The following EMX2 variants were observed in gnomAD, a reference collection of about 807,000 sequenced individuals.
EMX2 encodes the protein empty spiracles homeobox 2, also known as homeobox protein EMX2.
EMX2 carries 6 observed loss-of-function variants against 23.0 expected under a neutral mutation model. That is an observed-to-expected ratio of 0.26 (90% CI 0.14 to 0.52). EMX2 has a LOEUF of 0.52. Ranked by LOEUF, EMX2 falls within the 20% of genes least tolerant of loss-of-function variation. The probability of loss-of-function intolerance (pLI) is 0.97; values close to 1 mark genes in which losing one functional copy is unlikely to be tolerated. For missense variants in EMX2, 302 were observed against 341.4 expected, an observed-to-expected ratio of 0.88 and a Z score of 0.91; for synonymous variants, 175 against 153.3, an observed-to-expected ratio of 1.14 and a Z score of -1.04.
In EMX2 at chr10:117,548,193, G is replaced by C; in HGVS notation, c.720G>C (p.Gln240His). 1 of 1,613,992 alleles carries C rather than the reference G, an allele frequency of 6.2e-7. No individual in the cohort carries two copies. Among genetic ancestry groups the C allele is most frequent in the Non-Finnish European group, 8.5e-7 (1 of 1,180,004 alleles). ...ACCGGTGGAGAATCGCCACCAAGCA[G>C]GCGAGTCCGGAGGAAATAGACGTGA... ...HINRWRIATK[Q>H]ASPEEIDVTS... The change falls in exon 3 of 3, where the codon CAG (glutamine) becomes CAC (histidine). Residue 240 changes from glutamine to histidine, a missense_variant. Coordinates refer to ENST00000553456, the MANE Select transcript of EMX2 (RefSeq NM_004098.4).
In EMX2 at chr10:117,548,236, C is replaced by T. The variant is rs1255387420; in HGVS notation, c.*4C>T. The T allele has an allele frequency of 3.1e-6, 5 of 1,613,392 alleles. No homozygotes were observed. The East Asian group carries it at 8.9e-5, about 29-fold the overall frequency. ...AGACGTGACCTCAGATGATTAAAAA[C>T]ATAAACCTAACCCCACAGAAACGGA... On this transcript the variant is annotated 3_prime_UTR_variant, in exon 3 of 3. Coordinates refer to ENST00000553456, the MANE Select transcript of EMX2 (RefSeq NM_004098.4).
chr10:117,543,543 C>A lies in EMX2; in HGVS notation c.276C>A (p.His92Gln). The A allele has an allele frequency of 1.2e-6, 2 of 1,611,430 alleles. No individual in the cohort carries two copies. Among genetic ancestry groups the A allele is most frequent in the Non-Finnish European group, 1.7e-6 (2 of 1,179,132 alleles). The change falls in exon 1 of 3, where the codon CAC becomes CAA. Residue 92 changes from histidine to glutamine, a missense_variant. By Grantham distance (24) the His-to-Gln change is conservative (BLOSUM62 0). Transcript: ENST00000553456. Reference protein sequence around the residue: ...AVPVHPVPPPHALAAHPLPSS... With the variant: ...AVPVHPVPPPQALAAHPLPSS... ...CAGTGCACCCGGTGCCGCCGCCGCA[C>A]GCCCTGGCCGCCCACCCCCTACCCT...
At chr10:117,546,652 G>T (rs995019953) in intron 2 of EMX2, among the ~76,000 whole-genome samples, 1 of 152,258 alleles carries the variant, frequency 6.6e-6, no homozygotes, top group African/African-American at 2.4e-5. Flanking sequence ...ACAAGGCGCG[G>T]CCCGGCTGAT....
chr10:117,548,677 T>C lies in EMX2; in HGVS notation c.*445T>C, dbSNP rs1846616428. On this transcript the variant is annotated 3_prime_UTR_variant, in exon 3 of 3. Transcript: ENST00000553456. ...CGTTTATCACAGTCCACTTAAAAAA[T>C]GATGATGATGATAAAAACCACGACC... 1 of 413,580 alleles carries C rather than the reference T, an allele frequency of 2.4e-6. No individual in the cohort carries two copies. Among genetic ancestry groups the C allele is most frequent in the South Asian group, 1.0e-4 (1 of 9,686 alleles). The allele number at this position is 413,580 out of a possible 1,614,324, so 25.6% of individuals were successfully genotyped here. A position where few individuals can be genotyped will look rare whatever the true frequency, so the allele number is the denominator to read the frequency against.
chr10:117,543,707 C>A lies in EMX2; in HGVS notation c.406+34C>A, dbSNP rs568350366. On this transcript the variant is annotated intron_variant, in intron 1 of 2. Coordinates refer to ENST00000553456, the MANE Select transcript of EMX2 (RefSeq NM_004098.4). ...CACGTCGCGGAACTGCAGCGCGCCG[C>A]TCCCGCCGCATCCTTCACTGCCCCC... 87 of 1,598,628 alleles carry A rather than the reference C, an allele frequency of 5.4e-5. No individual in the cohort carries two copies. The Admixed American group carries it at 1.4e-3, about 27-fold the overall frequency.
At position 117,548,059 on chromosome 10, in the gene EMX2, C is replaced by G. The variant is rs763465060; in HGVS notation, c.592-6C>G. On this transcript the variant is annotated splice_polypyrimidine_tract_variant and splice_region_variant and intron_variant, in intron 2 of 2. Coordinates refer to ENST00000553456, the MANE Select transcript of EMX2 (RefSeq NM_004098.4). ...CTAACGCACCCCATCTGCCTCTCACCCGCAGGTAAAAGTATGGTTTCAGAA... is the reference window on the plus strand; with the variant it reads ...CTAACGCACCCCATCTGCCTCTCACGCGCAGGTAAAAGTATGGTTTCAGAA... 1 of 1,607,874 alleles carries G rather than the reference C, an allele frequency of 6.2e-7. No individual in the cohort carries two copies.
At chr10:117,545,372 G>T (rs1299286606) in intron 1 of EMX2, 9 of 417,694 alleles carry the variant, frequency 2.2e-5, no homozygotes, top group Non-Finnish European at 3.8e-5. Flanking sequence ...AGCCGGCCGA[G>T]GTCAGGAGCC....
At chr10:117,546,460 G>T (rs1330692782) in intron 2 of EMX2, among the ~76,000 whole-genome samples, 1 of 152,256 alleles carries the variant, frequency 6.6e-6, no homozygotes, top group Non-Finnish European at 1.5e-5. Flanking sequence ...ACTACACTAG[G>T]CGCTACTGTA....
chr10:117,546,875 G>A (rs1170109972), intron 2 of EMX2, among the ~76,000 whole-genome samples: 2 of 152,248 alleles, frequency 1.3e-5, no homozygotes, highest in African/African-American at 4.8e-5. Context: ...GAGCACTTTG[G>A]GCGACTGTGG....
In EMX2 at chr10:117,545,763, G is replaced by A; in HGVS notation, c.538G>A (p.Val180Met). The A allele has an allele frequency of 6.2e-7, 1 of 1,614,024 alleles. No homozygotes were observed. Among genetic ancestry groups the A allele is most frequent in the Non-Finnish European group, 8.5e-7 (1 of 1,180,040 alleles). ...CGCCTTTGAGAAGAATCACTACGTG[G>A]TGGGCGCCGAAAGGAAGCAGCTGGC... ...EHAFEKNHYV[V>M]GAERKQLAHS... The change falls in exon 2 of 3, where the codon GTG becomes ATG. Residue 180 changes from valine to methionine, a missense_variant. This residue lies in a region of EMX2 where 37 missense variants were observed against 69.1 expected (regional missense o/e 0.54). Coordinates refer to ENST00000553456, the MANE Select transcript of EMX2 (RefSeq NM_004098.4).
rs954211939 is a variant in EMX2, at chr10:117,548,420, C to T, written c.*188C>T. On this transcript the variant is annotated 3_prime_UTR_variant, in exon 3 of 3. Coordinates refer to ENST00000553456, the MANE Select transcript of EMX2 (RefSeq NM_004098.4). The stretch of plus-strand genomic sequence containing the variant: ...ACAGCGAGGGCACAGGGTCCCAAAC[C>T]GAGGCCGCGCCAAGATGGCAGAGGA... 2.3e-6 allele frequency: 2 copies of T among 888,682 alleles called. No individual in the cohort carries two copies. The highest frequency in any genetic ancestry group is 3.4e-5 in the African/African-American group (2 of 58,672). 55.0% of individuals were successfully genotyped at this position (888,682 alleles called of 1,614,324 possible). A position where few individuals can be genotyped will look rare whatever the true frequency, so the allele number is the denominator to read the frequency against.
chr10:117,545,218 A>T, intron 1 of EMX2: 1 of 169,144 alleles, frequency 5.9e-6, no homozygotes, highest in Non-Finnish European at 1.2e-5. Flanking sequence ...CGTGGGTCAA[A>T]GTTCCCCGAG....
At chr10:117,546,486 C>CG (rs1846580248) in intron 2 of EMX2, among the ~76,000 whole-genome samples, 3 of 151,484 alleles carry the variant, frequency 2.0e-5, no homozygotes, top group Non-Finnish European at 1.5e-5. Flanking sequence ...AGCCGCAGGG[C>CG]GGGGTCAAAG....
chr10:117,545,953 C>A, intron 2 of EMX2, 137 bp downstream of exon 2: 1 of 1,250,732 alleles, frequency 8.0e-7, no homozygotes, highest in Non-Finnish European at 1.1e-6. Context: ...CACGCCTGGG[C>A]TCGGGATGTA....
At chr10:117,548,006 C>G in intron 2 of EMX2, 59 bp from the exon 3 acceptor site, 7 of 1,558,480 alleles carry the variant, frequency 4.5e-6, no homozygotes, top group Non-Finnish European at 5.2e-6. Context: ...AAGGATCAGG[C>G]ACTTGATAGA....
At position 117,548,068 on chromosome 10, in the gene EMX2, A is replaced by G; in HGVS notation, c.595A>G (p.Lys199Glu). 1 of 1,610,708 alleles carries G rather than the reference A, an allele frequency of 6.2e-7. No homozygotes were observed. The highest frequency in any genetic ancestry group is 8.5e-7 in the Non-Finnish European group (1 of 1,178,476). The part of the protein sequence containing the change: ...HSLSLTETQV[K>E]VWFQNRRTKF... ...CCCATCTGCCTCTCACCCGCAGGTAAAAGTATGGTTTCAGAACCGAAGAAC... is the reference window on the plus strand; with the variant it reads ...CCCATCTGCCTCTCACCCGCAGGTAGAAGTATGGTTTCAGAACCGAAGAAC... Residue 199 changes from lysine (K) to glutamate (E), a missense_variant, in exon 3 of 3, where the codon AAA becomes GAA. Lys to Glu is a moderately conservative substitution (Grantham distance 56). Transcript: ENST00000553456.
At position 117,543,691 on chromosome 10, in the gene EMX2, G is replaced by C. The variant is rs774967972; in HGVS notation, c.406+18G>C. 3 of 1,613,006 alleles carry C rather than the reference G, an allele frequency of 1.9e-6. No homozygotes were observed. Among genetic ancestry groups the C allele is most frequent in the Non-Finnish European group, 2.5e-6 (3 of 1,179,706 alleles). ...CTTCCAAGGTACGTGCCACGTCGCG[G>C]AACTGCAGCGCGCCGCTCCCGCCGC... On this transcript the variant is annotated intron_variant, in intron 1 of 2. Coordinates refer to ENST00000553456, the MANE Select transcript of EMX2 (RefSeq NM_004098.4).
At chr10:117,544,061 G>A (rs1046711021) in intron 1 of EMX2, among the ~76,000 whole-genome samples, 1 of 152,238 alleles carries the variant, frequency 6.6e-6, no homozygotes, top group Non-Finnish European at 1.5e-5. Context: ...CGAGGGGCGC[G>A]GACAGGACTC....
intron 1 of EMX2, chr10:117,544,399 C>A (rs887235626): frequency 2.0e-5 from 3 of 150,468 alleles, no homozygotes; most frequent in Non-Finnish European, 2.9e-5. Flanking sequence ...AAAAAAAGAA[C>A]CTGGTCAGGA....
Sources: gnomAD v4.1 joint callset for allele counts (sites outside exome capture counted in the v4.1 genomes callset) on GRCh38, gnomAD v4.1.1 for gene constraint, gnomAD v4.1.1 regional missense constraint, MANE v1.5 for transcripts, NCBI Gene and HGNC (gene_info 2026-07-23, HGNC 2026-07-21) for gene names.